PRDM15: variants seen among roughly 807,000 people sequenced by gnomAD.
PRDM15 encodes the protein PR domain zinc finger protein 15.
In PRDM15, 64 loss-of-function variants were observed where a neutral mutation model predicts 128.6. The ratio of observed to expected loss-of-function variants is 0.50; its 90% CI spans 0.41 to 0.61. The LOEUF (loss-of-function observed/expected upper bound fraction) is 0.61, where lower values mean the gene tolerates loss of function less well. PRDM15 is among the 20% of genes least tolerant of loss of function. The pLI, the probability that PRDM15 is intolerant of heterozygous loss-of-function variation, is 0.00. For synonymous variants in PRDM15, 615 were observed against 621.8 expected (o/e 0.99, Z 0.16); for missense variants, 1,242 against 1,569.1 (o/e 0.79, Z 3.52).
At chr21:41,845,568 C>T (rs537415027) in intron 6 of PRDM15, among the ~76,000 whole-genome samples, 98 of 151,888 alleles carry the variant, frequency 6.5e-4, no homozygotes, top group African/African-American at 2.3e-3. Flanking sequence ...TCAAGGCTGC[C>T]GTGCTGTGGG....
At chr21:41,803,007 A>T in intron 22 of PRDM15, 86 bp from the exon 23 acceptor site, 2 of 1,015,556 alleles carry the variant, frequency 2.0e-6, no homozygotes, top group Non-Finnish European at 3.1e-6. Flanking sequence ...TGCCCTGGAC[A>T]CACTCTCCAA....
At chr21:41,839,482 A>G in intron 7 of PRDM15, 141 bp downstream of exon 7, 1 of 662,952 alleles carries the variant, frequency 1.5e-6, no homozygotes, top group Non-Finnish European at 2.7e-6. Context: ...AGAAAAACAG[A>G]CGGGCTTAGA....
intron 11 of PRDM15, 36 bp downstream of exon 11, chr21:41,835,401 A>ACAG: frequency 6.4e-7 from 1 of 1,566,318 alleles, no homozygotes; most frequent in Admixed American, 1.7e-5. Context: ...TCCGTACCGC[A>ACAG]CAGCGGCCGA....
rs573271536 is a variant in PRDM15, at chr21:41,828,386, C to T, written c.1367-53G>A. ...CGATTTTGAGGTAAATAACATCTCACGCAGGCACGCACGTGTGGCCTGAAC... is the reference window on the plus strand; with the variant it reads ...CGATTTTGAGGTAAATAACATCTCATGCAGGCACGCACGTGTGGCCTGAAC... On this transcript the variant is annotated intron_variant, in intron 11 of 23. Coordinates refer to ENST00000398548, the MANE Select transcript of PRDM15 (RefSeq NM_001040424.3). This position sits in a 1 kb window ranked among gnomAD's most constrained non-coding sequence, Gnocchi z 5.7. The T allele has an allele frequency of 5.7e-6, 9 of 1,592,532 alleles. No homozygotes were observed. In the African/African-American group the frequency reaches 8.0e-5, roughly 14 times the overall value.
chr21:41,868,555 T>C (rs1414432753), intron 1 of PRDM15, among the ~76,000 whole-genome samples: 1 of 152,182 alleles, frequency 6.6e-6, no homozygotes, highest in Non-Finnish European at 1.5e-5. Flanking sequence ...TGTCTCCTTG[T>C]GGTTTTAATT....
Position 41,810,911 on chromosome 21 carries a change from T to G in PRDM15, c.2393-75A>C. ...TCCACATCAGGGCATGTCTTCTCCCTGACACGTTCCAGGCACTGTAGGGCC... is the reference window on the plus strand; with the variant it reads ...TCCACATCAGGGCATGTCTTCTCCCGGACACGTTCCAGGCACTGTAGGGCC... On this transcript the variant is annotated intron_variant, in intron 19 of 23. Transcript: ENST00000398548. The surrounding 1 kb of genome is among the most constrained non-coding windows in gnomAD (Gnocchi z 6.4). 2.1e-6 allele frequency: 3 copies of G among 1,395,636 alleles called. No homozygotes were observed. The highest frequency in any genetic ancestry group is 3.1e-6 in the Non-Finnish European group (3 of 983,320). The allele number at this position is 1,395,636 out of a possible 1,614,324, so 86.5% of individuals were successfully genotyped here.
intron 11 of PRDM15, among the ~76,000 whole-genome samples, chr21:41,831,326 G>A (rs1055414662): frequency 2.0e-5 from 3 of 152,226 alleles, no homozygotes; most frequent in Non-Finnish European, 2.9e-5. Context: ...CCTGTGCACC[G>A]TGGGATGCTG....
At chr21:41,876,280 C>T (rs1030749856) in intron 1 of PRDM15, among the ~76,000 whole-genome samples, 1 of 152,162 alleles carries the variant, frequency 6.6e-6, no homozygotes, top group Non-Finnish European at 1.5e-5. Context: ...TTCCCCTAAT[C>T]AGTTCACATA....
chr21:41,819,454 GC>G, intron 18 of PRDM15, 127 bp downstream of exon 18: 1 of 1,005,710 alleles, frequency 9.9e-7, no homozygotes, highest in Non-Finnish European at 1.4e-6. Flanking sequence ...TCGGCCCGTG[GC>G]CCCGGCCCCC....
In PRDM15 at chr21:41,862,056, C is replaced by T; in HGVS notation, c.-9-1684G>A. 5.2e-6 allele frequency: 7 copies of T among 1,355,590 alleles called. No individual in the cohort carries two copies. Among genetic ancestry groups the T allele is most frequent in the Non-Finnish European group, 7.3e-6 (7 of 954,124 alleles). 84.0% of individuals were successfully genotyped at this position (1,355,590 alleles called of 1,614,324 possible). On this transcript the variant is annotated intron_variant, in intron 1 of 23. Transcript: ENST00000398548. This position sits in a 1 kb window ranked among gnomAD's most constrained non-coding sequence, Gnocchi z 4.1. ...AATAGGGACCAGTCTGGGATGGGGG[C>T]TCAGCTGGGCAGTGAGCAGGAGATG...
At position 41,854,873 on chromosome 21, in the gene PRDM15, T is replaced by C. The variant is rs751612694; in HGVS notation, c.286-55A>G. On this transcript the variant is annotated intron_variant, in intron 4 of 23. Transcript: ENST00000398548. The surrounding 1 kb of genome is among the most constrained non-coding windows in gnomAD (Gnocchi z 4.6). ...GGGGAAATGGCTGATTACCCATCTG[T>C]GTATCAGCGTGTGGGGGGCAGGTGC... 21 of 1,549,788 alleles carry C rather than the reference T, an allele frequency of 1.4e-5. No individual in the cohort carries two copies. The highest frequency in any genetic ancestry group is 1.7e-5 in the Non-Finnish European group (19 of 1,146,128).
intron 11 of PRDM15, among the ~76,000 whole-genome samples, chr21:41,830,340 CCACA>C (rs1229968845): frequency 3.3e-5 from 5 of 151,170 alleles, no homozygotes; most frequent in African/African-American, 7.3e-5. Flanking sequence ...CACACACAAC[CCACA>C]CACAAATACA....
intron 18 of PRDM15, among the ~76,000 whole-genome samples, chr21:41,819,246 A>G (rs1441109561): frequency 6.6e-6 from 1 of 152,206 alleles, no homozygotes; most frequent in East Asian, 1.9e-4. Context: ...ACTATGGTAG[A>G]TACCTTGGTC....
intron 11 of PRDM15, among the ~76,000 whole-genome samples, chr21:41,833,168 T>C (rs1383340033): frequency 6.6e-6 from 1 of 152,150 alleles, no homozygotes; most frequent in Non-Finnish European, 1.5e-5. Context: ...CCTTTGCTAT[T>C]CCGTAGCACA....
At chr21:41,819,480 C>CCCCAT in intron 18 of PRDM15, 102 bp downstream of exon 18, 2 of 1,131,586 alleles carry the variant, frequency 1.8e-6, no homozygotes, top group Non-Finnish European at 1.2e-6. Context: ...CCGCCACACC[C>CCCCAT]ACCTTCCCCA....
chr21:41,868,207 T>C (rs897569550), intron 1 of PRDM15, among the ~76,000 whole-genome samples: 9 of 152,244 alleles, frequency 5.9e-5, no homozygotes, highest in African/African-American at 1.9e-4. Context: ...TCGAGTGCAT[T>C]ACCGTTTGTT....
chr21:41,827,285 G>C (rs1185668053), intron 12 of PRDM15, among the ~76,000 whole-genome samples: 1 of 152,226 alleles, frequency 6.6e-6, no homozygotes, highest in Non-Finnish European at 1.5e-5. Flanking sequence ...TGCAATTCCA[G>C]CCTTGTTTTT....
intron 3 of PRDM15, among the ~76,000 whole-genome samples, chr21:41,857,741 C>T (rs1197075866): frequency 2.0e-5 from 3 of 152,168 alleles, no homozygotes; most frequent in African/African-American, 7.2e-5. Context: ...GCCTGGATGA[C>T]AGCACAGGAC....
intron 1 of PRDM15, chr21:41,878,850 C>T: frequency 2.5e-6 from 2 of 802,036 alleles, no homozygotes; most frequent in Non-Finnish European, 1.5e-6. Context: ...CGGGCCGGGG[C>T]GGCGAAGACC....
Sources: gnomAD v4.1 joint callset for allele counts (sites outside exome capture counted in the v4.1 genomes callset) on GRCh38, gnomAD v4.1.1 for gene constraint, Gnocchi (gnomAD v3.1) non-coding constraint, MANE v1.5 for transcripts, NCBI Gene and HGNC (gene_info 2026-07-23, HGNC 2026-07-21) for gene names.